Variants in NRXN3 observed in about 807,000 individuals in gnomAD.
The protein encoded by NRXN3 is neurexin III.
NRXN3 carries 32 observed loss-of-function variants against 137.6 expected under a neutral mutation model. That is an observed-to-expected ratio of 0.23 (90% CI 0.18 to 0.31). The LOEUF is 0.31. NRXN3 is among the 10% of genes least tolerant of loss of function. The pLI, the probability that NRXN3 is intolerant of heterozygous loss-of-function variation, is 1.00. For synonymous variants in NRXN3, 798 were observed against 784.5 expected (o/e 1.02, Z -0.29); for missense variants, 1,574 against 2,062.5 (o/e 0.76, Z 4.59).
At chr14:79,149,575 T>C (rs1360008860) in intron 15 of NRXN3, among the ~76,000 whole-genome samples, 1 of 152,158 alleles carries the variant, frequency 6.6e-6, no homozygotes, top group Non-Finnish European at 1.5e-5. Flanking sequence ...ATTGTGGCAC[T>C]ATTCACAATA....
chr14:79,725,539 C>T (rs1439351119), intron 19 of NRXN3, among the ~76,000 whole-genome samples: 1 of 152,098 alleles, frequency 6.6e-6, no homozygotes, highest in Non-Finnish European at 1.5e-5. Context: ...ATTAGGCAAA[C>T]TTGCAAATGT....
intron 15 of NRXN3, among the ~76,000 whole-genome samples, chr14:79,218,357 A>T (rs1302023123): frequency 6.6e-6 from 1 of 152,190 alleles, no homozygotes; most frequent in East Asian, 1.9e-4. Context: ...ACTGGGAGAA[A>T]ATAGAATACC....
At chr14:78,508,912 A>G (rs2096052423) in intron 4 of NRXN3, among the ~76,000 whole-genome samples, 1 of 152,240 alleles carries the variant, frequency 6.6e-6, no homozygotes, top group Non-Finnish European at 1.5e-5. Context: ...ACTGATTCAT[A>G]GAGCATGAGC....
At chr14:78,284,631 A>G (rs1567166866) in intron 3 of NRXN3, among the ~76,000 whole-genome samples, 1 of 152,180 alleles carries the variant, frequency 6.6e-6, no homozygotes, top group Non-Finnish European at 1.5e-5. Context: ...TTAAAAACGG[A>G]AAATCAACCC....
chr14:78,303,229 CATAT>C (rs1259102508), intron 4 of NRXN3, among the ~76,000 whole-genome samples: 7 of 152,054 alleles, frequency 4.6e-5, no homozygotes, highest in Admixed American at 1.3e-4. Flanking sequence ...TTGAAAAATA[CATAT>C]ATTTCATTTC....
At chr14:78,814,950 T>C (rs2098927253) in intron 10 of NRXN3, among the ~76,000 whole-genome samples, 1 of 152,202 alleles carries the variant, frequency 6.6e-6, no homozygotes, top group Admixed American at 6.5e-5. Context: ...ATGAATACAG[T>C]AAACACATAT....
At chr14:78,508,725 A>G (rs1217647393) in intron 4 of NRXN3, among the ~76,000 whole-genome samples, 3 of 152,176 alleles carry the variant, frequency 2.0e-5, no homozygotes, top group Non-Finnish European at 4.4e-5. Flanking sequence ...AGGCCCTTAG[A>G]AGTTTTCTTC....
chr14:79,077,517 A>G (rs1335841546), intron 15 of NRXN3, among the ~76,000 whole-genome samples: 1 of 152,168 alleles, frequency 6.6e-6, no homozygotes, highest in African/African-American at 2.4e-5. Context: ...TCTTTTATCA[A>G]AGATATGTAC....
intron 17 of NRXN3, among the ~76,000 whole-genome samples, chr14:79,670,990 A>G (rs539238537): frequency 1.3e-5 from 2 of 152,196 alleles, no homozygotes; most frequent in South Asian, 4.1e-4. Context: ...CTGAATAAAC[A>G]CTTTCTCCCA....
intron 4 of NRXN3, among the ~76,000 whole-genome samples, chr14:78,345,032 A>G (rs1334454276): frequency 1.3e-5 from 2 of 152,152 alleles, no homozygotes; most frequent in Non-Finnish European, 2.9e-5. Flanking sequence ...GAGGGTATGA[A>G]TCAGGTAAGT....
chr14:78,337,497 G>A (rs956981959), intron 4 of NRXN3, among the ~76,000 whole-genome samples: 1 of 152,100 alleles, frequency 6.6e-6, no homozygotes, highest in Admixed American at 6.6e-5. Flanking sequence ...CCAGCTTTGG[G>A]GATGATAAAG....
At chr14:78,505,823 A>G (rs1197727800) in intron 4 of NRXN3, among the ~76,000 whole-genome samples, 1 of 152,124 alleles carries the variant, frequency 6.6e-6, no homozygotes, top group African/African-American at 2.4e-5. Context: ...TCTGATTTTT[A>G]AAAACAGACT....
intron 8 of NRXN3, among the ~76,000 whole-genome samples, chr14:78,794,066 A>C (rs1209874409): frequency 6.6e-6 from 1 of 152,190 alleles, no homozygotes; most frequent in East Asian, 1.9e-4. Context: ...TTACTGGGTA[A>C]ATTTGCAGGA....
At chr14:78,389,826 C>T (rs1053507421) in intron 4 of NRXN3, among the ~76,000 whole-genome samples, 1 of 152,032 alleles carries the variant, frequency 6.6e-6, no homozygotes. Flanking sequence ...TTTTCCAAGT[C>T]AGAGATTAGA....
At chr14:78,351,435 A>G (rs1409778203) in intron 4 of NRXN3, among the ~76,000 whole-genome samples, 1 of 152,218 alleles carries the variant, frequency 6.6e-6, no homozygotes, top group Non-Finnish European at 1.5e-5. Flanking sequence ...TGTACCAACT[A>G]AAATTCCCAC....
intron 15 of NRXN3, among the ~76,000 whole-genome samples, chr14:79,315,258 A>G (rs1182502779): frequency 1.3e-5 from 2 of 152,342 alleles, no homozygotes; most frequent in Middle Eastern, 3.4e-3. Flanking sequence ...CTTCATAGCA[A>G]TCTCAAAGAC....
At chr14:78,506,683 G>A (rs1448098317) in intron 4 of NRXN3, among the ~76,000 whole-genome samples, 6 of 139,310 alleles carry the variant, frequency 4.3e-5, no homozygotes, top group Non-Finnish European at 7.6e-5. Flanking sequence ...TAGGAGATGG[G>A]GGTCTCACTA....
intron 15 of NRXN3, among the ~76,000 whole-genome samples, chr14:79,352,718 C>G (rs1196765912): frequency 1.3e-5 from 2 of 152,094 alleles, no homozygotes; most frequent in Non-Finnish European, 2.9e-5. Flanking sequence ...AACTCTGATC[C>G]ATGAACTCTT....
intron 15 of NRXN3, among the ~76,000 whole-genome samples, chr14:79,314,517 T>G (rs2087948674): frequency 5.6e-5 from 2 of 35,692 alleles, no homozygotes; most frequent in South Asian, 1.0e-3. Flanking sequence ...CAGGCTTGCT[T>G]AGGTAAACAA....
Sources: allele counts gnomAD v4.1 joint callset (sites outside exome capture counted in the v4.1 genomes callset), GRCh38; gene constraint gnomAD v4.1.1; transcripts MANE v1.5; gene names NCBI Gene and HGNC (gene_info 2026-07-23, HGNC 2026-07-21).